DLG2: variants seen among roughly 807,000 people sequenced by gnomAD.
DLG2 encodes discs large MAGUK scaffold protein 2.
Under a neutral mutation model 132.5 loss-of-function variants are expected in DLG2, and 45 were observed. That is an observed-to-expected ratio of 0.34 (90% CI 0.27 to 0.44). The LOEUF (loss-of-function observed/expected upper bound fraction) is 0.44. DLG2 is among the 20% of genes least tolerant of loss of function. The pLI is 1.00. For synonymous variants in DLG2, 424 were observed against 419.6 expected, an observed-to-expected ratio of 1.01 and a Z score of -0.13; for missense variants, 1,045 against 1,196.9, an observed-to-expected ratio of 0.87 and a Z score of 1.87.
intron 6 of DLG2, among the ~76,000 whole-genome samples, chr11:84,659,054 A>T (rs2099691579): frequency 6.6e-6 from 1 of 152,202 alleles, no homozygotes; most frequent in Non-Finnish European, 1.5e-5. Flanking sequence ...GTGGTTTATA[A>T]GCCACTTAGT....
chr11:83,825,338 C>T (rs1183720472), intron 17 of DLG2, among the ~76,000 whole-genome samples: 2 of 151,438 alleles, frequency 1.3e-5, no homozygotes. Context: ...TGCACCACCA[C>T]GTCCGGCTAA....
At chr11:84,589,159 T>G (rs2099536933) in intron 6 of DLG2, among the ~76,000 whole-genome samples, 1 of 152,158 alleles carries the variant, frequency 6.6e-6, no homozygotes, top group African/African-American at 2.4e-5. Context: ...AGAGAGAATG[T>G]CTTTGAGATG....
chr11:83,577,812 T>A (rs1593592174), intron 19 of DLG2, among the ~76,000 whole-genome samples: 1 of 126,962 alleles, frequency 7.9e-6, no homozygotes, highest in Non-Finnish European at 1.6e-5. Context: ...ATTTTATATA[T>A]AAATACAAAA....
chr11:85,147,487 T>G (rs1313335311), intron 5 of DLG2, among the ~76,000 whole-genome samples: 1 of 152,206 alleles, frequency 6.6e-6, no homozygotes, highest in African/African-American at 2.4e-5. Context: ...TAATTAGTTA[T>G]TTGTTCCACT....
At chr11:84,274,379 A>C (rs1458514482) in intron 7 of DLG2, among the ~76,000 whole-genome samples, 1 of 152,212 alleles carries the variant, frequency 6.6e-6, no homozygotes, top group African/African-American at 2.4e-5. Flanking sequence ...GTCAAGAGGT[A>C]AGAGGCAAAA....
intron 3 of DLG2, among the ~76,000 whole-genome samples, chr11:85,381,455 G>C (rs1392277109): frequency 6.6e-6 from 1 of 152,146 alleles, no homozygotes; most frequent in Non-Finnish European, 1.5e-5. Flanking sequence ...AAGAATGGCT[G>C]CTCTCTTTAT....
chr11:83,537,252 T>G (rs1177489124), intron 20 of DLG2, among the ~76,000 whole-genome samples: 1 of 152,156 alleles, frequency 6.6e-6, no homozygotes, highest in African/African-American at 2.4e-5. Context: ...CTCTCTCCCA[T>G]CTGGTATTTT....
At chr11:85,136,222 T>C (rs903371497) in intron 5 of DLG2, among the ~76,000 whole-genome samples, 2 of 152,212 alleles carry the variant, frequency 1.3e-5, no homozygotes, top group Admixed American at 1.3e-4. Flanking sequence ...AAGTATACTG[T>C]AAATGCATGT....
At chr11:84,004,162 C>T (rs989497634) in intron 11 of DLG2, among the ~76,000 whole-genome samples, 16 of 151,916 alleles carry the variant, frequency 1.1e-4, no homozygotes, top group African/African-American at 1.9e-4. Flanking sequence ...ATATTCCTGA[C>T]GAACACATCT....
chr11:84,803,688 C>T (rs911144747), intron 6 of DLG2, among the ~76,000 whole-genome samples: 6 of 152,142 alleles, frequency 3.9e-5, no homozygotes, highest in South Asian at 4.1e-4. Context: ...TTTAAAGTTA[C>T]GAGTAATCAT....
intron 5 of DLG2, among the ~76,000 whole-genome samples, chr11:85,140,944 A>C (rs899334676): frequency 5.0e-4 from 76 of 151,800 alleles, no homozygotes; most frequent in African/African-American, 1.7e-3. Flanking sequence ...TAATATTCCA[A>C]TGTGTACCAC....
At chr11:84,631,018 T>A (rs199949846) in intron 6 of DLG2, among the ~76,000 whole-genome samples, 3,112 of 94,246 alleles carry the variant, frequency 0.033, 114 homozygotes, top group Admixed American at 0.048. Context: ...TCTCTCTCTC[T>A]CACACACACA....
chr11:83,771,264 G>A (rs1231651082), intron 18 of DLG2, among the ~76,000 whole-genome samples: 4 of 152,126 alleles, frequency 2.6e-5, no homozygotes, highest in African/African-American at 7.2e-5. Flanking sequence ...ATACAACAGT[G>A]GGGAATTGTC....
In DLG2 at chr11:83,472,748, C is replaced by T. The variant is rs760860526; in HGVS notation, c.2323G>A (p.Glu775Lys). The change falls in exon 23 of 28, where the codon GAG (glutamate) becomes AAG (lysine). Residue 775 changes from glutamate (E) to lysine (K), a missense_variant. By Grantham distance (56) the Glu-to-Lys change is moderately conservative. Around this residue, in one of 4 missense-constraint regions of DLG2, gnomAD observed 398 missense variants for 543.6 expected, o/e 0.73. Coordinates refer to ENST00000376104, the MANE Select transcript of DLG2 (RefSeq NM_001142699.3). ...RGQEDLILSYEPVTRQEINYT... is the reference protein window; with the variant it reads ...RGQEDLILSYKPVTRQEINYT... ...TTACTTTCCTGCCTTGTAACAGGCTCATAGGAAAGAATGAGGTCTTCTTGT... is the reference window on the plus strand; with the variant it reads ...TTACTTTCCTGCCTTGTAACAGGCTTATAGGAAAGAATGAGGTCTTCTTGT... The T allele has an allele frequency of 1.9e-6, 3 of 1,611,564 alleles. No homozygotes were observed. Among genetic ancestry groups the T allele is most frequent in the Admixed American group, 3.4e-5 (2 of 59,636 alleles).
intron 6 of DLG2, among the ~76,000 whole-genome samples, chr11:84,760,291 T>C (rs1235549114): frequency 6.6e-6 from 1 of 152,226 alleles, no homozygotes; most frequent in African/African-American, 2.4e-5. Context: ...ACTGTTTTGA[T>C]AAAGGTTCGG....
chr11:85,394,693 T>C (rs2087127636), intron 3 of DLG2, among the ~76,000 whole-genome samples: 1 of 152,152 alleles, frequency 6.6e-6, no homozygotes, highest in South Asian at 2.1e-4. Context: ...AAGAATAAAA[T>C]AAGGCAATTT....
chr11:83,938,791 G>C (rs545268468), intron 14 of DLG2, among the ~76,000 whole-genome samples: 7 of 152,230 alleles, frequency 4.6e-5, no homozygotes, highest in African/African-American at 1.7e-4. Flanking sequence ...TCTACTTTAG[G>C]TAACAGGACA....
At chr11:84,363,991 G>A (rs1281835464) in intron 7 of DLG2, among the ~76,000 whole-genome samples, 2 of 152,092 alleles carry the variant, frequency 1.3e-5, no homozygotes, top group South Asian at 2.1e-4. Flanking sequence ...TTGGTGATGA[G>A]GGCTCTTTTT....
At chr11:84,831,287 G>T (rs1050874483) in intron 6 of DLG2, among the ~76,000 whole-genome samples, 3 of 151,422 alleles carry the variant, frequency 2.0e-5, no homozygotes, top group African/African-American at 7.3e-5. Context: ...TCTATTTTAC[G>T]TTGTTTCTAT....
Sources: gnomAD v4.1 joint callset for allele counts (sites outside exome capture counted in the v4.1 genomes callset) on GRCh38, gnomAD v4.1.1 for gene constraint, gnomAD v4.1.1 regional missense constraint, MANE v1.5 for transcripts, NCBI Gene and HGNC (gene_info 2026-07-23, HGNC 2026-07-21) for gene names.